Variants in RFTN1 observed in about 807,000 individuals in gnomAD.
RFTN1 encodes raftlin, lipid raft linker 1.
A neutral mutation model predicts 46.5 loss-of-function variants in RFTN1; 26 were observed. That is an observed-to-expected ratio of 0.56 (90% CI 0.41 to 0.78). RFTN1 has a LOEUF of 0.78. RFTN1 is among the 30% of genes least tolerant of loss of function. The pLI is 0.00. For synonymous variants in RFTN1, 261 were observed against 284.2 expected, an observed-to-expected ratio of 0.92 and a Z score of 0.82; for missense variants, 693 against 718.7, an observed-to-expected ratio of 0.96 and a Z score of 0.41.
rs2076261632 is a variant in RFTN1 at position 16,475,222 on chromosome 3, A to G, written c.145+18503T>C. Among the ~76,000 whole-genome samples, 1 of 152,242 alleles carries G rather than the reference A, an allele frequency of 6.6e-6. No individual in the cohort carries two copies. Among genetic ancestry groups the G allele is most frequent in the Admixed American group, 6.5e-5 (1 of 15,286 alleles). ...GATGCTGACGCCATGCTTCTTGTAC[A>G]GCTGGTGGAATCATAATCCAAATAA... On this transcript the variant is annotated intron_variant, in intron 2 of 9. Transcript: ENST00000334133. This position sits in a 1 kb window ranked among gnomAD's most constrained non-coding sequence, Gnocchi z 4.2.
chr3:16,455,573 G>A (rs1428603243), intron 2 of RFTN1, among the ~76,000 whole-genome samples: 1 of 152,168 alleles, frequency 6.6e-6, no homozygotes, highest in East Asian at 1.9e-4. Context: ...CACAAGTTTT[G>A]TTAGGAGAGG....
In RFTN1 at chr3:16,407,292, C is replaced by T. The variant is rs1270440772; in HGVS notation, c.441+2083G>A. On this transcript the variant is annotated intron_variant, in intron 4 of 9. Transcript: ENST00000334133. This position sits in a 1 kb window ranked among gnomAD's most constrained non-coding sequence, Gnocchi z 4.0. ...CAAACTCCTGGGCTCAAGCAATTCT[C>T]TCGCCTCAGCCTCTAGAGTAGCTAG... 1.3e-5 allele frequency among the ~76,000 whole-genome samples: 2 copies of T among 152,122 alleles called. No homozygotes were observed. Among genetic ancestry groups the T allele is most frequent in the Non-Finnish European group, 2.9e-5 (2 of 68,020 alleles).
chr3:16,430,798 C>T (rs1265637547), intron 3 of RFTN1, among the ~76,000 whole-genome samples: 1 of 152,104 alleles, frequency 6.6e-6, no homozygotes, highest in African/African-American at 2.4e-5. Flanking sequence ...CAGCTCAAAC[C>T]CAAGGAGACT....
chr3:16,411,928 T>G (rs1355524147), intron 3 of RFTN1, among the ~76,000 whole-genome samples: 1 of 152,232 alleles, frequency 6.6e-6, no homozygotes, highest in Non-Finnish European at 1.5e-5. Context: ...GGAAGACAAG[T>G]TGGTCTGTAA....
chr3:16,363,409 A>G (rs1410560410), intron 6 of RFTN1, among the ~76,000 whole-genome samples: 2 of 152,206 alleles, frequency 1.3e-5, no homozygotes, highest in African/African-American at 4.8e-5. Flanking sequence ...ACAAAAAGCT[A>G]TTTTCCCTCG....
In RFTN1 at chr3:16,428,120, GA is replaced by G. The variant is rs2075319365; in HGVS notation, c.332+5730del. ...AAATTACATATACATATTTACCTTA[GA>G]AAAATCCAAACAAAAGGGATAAATG... On this transcript the variant is annotated intron_variant, in intron 3 of 9. Coordinates refer to ENST00000334133, the MANE Select transcript of RFTN1 (RefSeq NM_015150.2). This position sits in a 1 kb window ranked among gnomAD's most constrained non-coding sequence, Gnocchi z 4.7. Among the ~76,000 whole-genome samples, 1 of 152,156 alleles carries G rather than the reference GA, an allele frequency of 6.6e-6. No homozygotes were observed. Among genetic ancestry groups the G allele is most frequent in the Non-Finnish European group, 1.5e-5 (1 of 68,020 alleles).
At position 16,418,987 on chromosome 3, in the gene RFTN1, A is replaced by C. The variant is rs1439933479; in HGVS notation, c.333-9504T>G. 6.6e-6 allele frequency among the ~76,000 whole-genome samples: 1 copy of C among 152,204 alleles called. No homozygotes were observed. Among genetic ancestry groups the C allele is most frequent in the African/African-American group, 2.4e-5 (1 of 41,452 alleles). On this transcript the variant is annotated intron_variant, in intron 3 of 9. Coordinates refer to ENST00000334133, the MANE Select transcript of RFTN1 (RefSeq NM_015150.2). This position sits in a 1 kb window ranked among gnomAD's most constrained non-coding sequence, Gnocchi z 5.0. ...GGATCAGGGGAAAATTTAAGGAGCAAGGCGTGTGTGGGCTGAGTCTTTGAG... is the reference window on the plus strand; with the variant it reads ...GGATCAGGGGAAAATTTAAGGAGCACGGCGTGTGTGGGCTGAGTCTTTGAG...
At chr3:16,461,872 G>A (rs2076012851) in intron 2 of RFTN1, among the ~76,000 whole-genome samples, 1 of 152,184 alleles carries the variant, frequency 6.6e-6, no homozygotes, top group South Asian at 2.1e-4. Context: ...AGCAGTGTAA[G>A]CAAATCCTCT....
chr3:16,396,815 C>T (rs1334921320), intron 4 of RFTN1, among the ~76,000 whole-genome samples: 1 of 152,188 alleles, frequency 6.6e-6, no homozygotes, highest in Admixed American at 6.5e-5. Flanking sequence ...GTAATCCCAG[C>T]ACTTCGGGAA....
chr3:16,445,980 C>T (rs1424472642), intron 2 of RFTN1, among the ~76,000 whole-genome samples: 4 of 151,656 alleles, frequency 2.6e-5, no homozygotes, highest in Non-Finnish European at 2.9e-5. Context: ...AGAACCCATG[C>T]TGGGTTTATT....
chr3:16,359,767 C>T (rs1306118749), intron 6 of RFTN1, among the ~76,000 whole-genome samples: 1 of 152,058 alleles, frequency 6.6e-6, no homozygotes, highest in Non-Finnish European at 1.5e-5. Flanking sequence ...CAATGATACG[C>T]TCTTTTAAAA....
chr3:16,454,268 C>T (rs2075867452), intron 2 of RFTN1, among the ~76,000 whole-genome samples: 1 of 152,228 alleles, frequency 6.6e-6, no homozygotes, highest in South Asian at 2.1e-4. Context: ...CCACATTGGT[C>T]TTATCAATTC....
At position 16,387,309 on chromosome 3, in the gene RFTN1, G is replaced by A. The variant is rs1178468000; in HGVS notation, c.442-9207C>T. ...CCCTTCCTCCCTGATCAGCTGTCTTGTGCTTCCCCAGGGCTTTCTCCCCTC... is the reference window on the plus strand; with the variant it reads ...CCCTTCCTCCCTGATCAGCTGTCTTATGCTTCCCCAGGGCTTTCTCCCCTC... On this transcript the variant is annotated intron_variant, in intron 4 of 9. Coordinates refer to ENST00000334133, the MANE Select transcript of RFTN1 (RefSeq NM_015150.2). This position sits in a 1 kb window ranked among gnomAD's most constrained non-coding sequence, Gnocchi z 5.2. 1.3e-5 allele frequency among the ~76,000 whole-genome samples: 2 copies of A among 152,198 alleles called. No homozygotes were observed. Among genetic ancestry groups the A allele is most frequent in the Non-Finnish European group, 2.9e-5 (2 of 68,042 alleles).
In RFTN1 at chr3:16,396,934, G is replaced by A. The variant is rs569159744; in HGVS notation, c.441+12441C>T. ...AAAAATTAGCTGGGCGTGGTGGCAGGTACCTGTAATCCCAGCTACTCGGGA... is the reference window on the plus strand; with the variant it reads ...AAAAATTAGCTGGGCGTGGTGGCAGATACCTGTAATCCCAGCTACTCGGGA... On this transcript the variant is annotated intron_variant, in intron 4 of 9. Transcript: ENST00000334133. 8.5e-5 allele frequency among the ~76,000 whole-genome samples: 13 copies of A among 152,082 alleles called. No homozygotes were observed. In the South Asian group the frequency reaches 2.5e-3, roughly 29 times the overall value.
chr3:16,419,820 T>C (rs2125465767), intron 3 of RFTN1, among the ~76,000 whole-genome samples: 1 of 152,204 alleles, frequency 6.6e-6, no homozygotes, highest in South Asian at 2.1e-4. Context: ...CACAGATGAG[T>C]CACTGTCCTT....
rs2075972920 is a variant in RFTN1, at chr3:16,459,568, G to C, written c.146-25531C>G. Among the ~76,000 whole-genome samples the C allele has an allele frequency of 6.6e-6, 1 of 151,878 alleles. No homozygotes were observed. Among genetic ancestry groups the C allele is most frequent in the Non-Finnish European group, 1.5e-5 (1 of 67,964 alleles). On this transcript the variant is annotated intron_variant, in intron 2 of 9. Coordinates refer to ENST00000334133, the MANE Select transcript of RFTN1 (RefSeq NM_015150.2). The surrounding 1 kb of genome is among the most constrained non-coding windows in gnomAD (Gnocchi z 4.2). ...TGATCGTGCCACTGCACTCAGCCTG[G>C]GTGACAGAGTGAGACCCTGTGTTTC...
rs2075297532 is a variant in RFTN1, at chr3:16,426,752, T to G, written c.332+7099A>C. ...GTGGCTGCATTATTAAGATATACTT[T>G]TGGTACTGATAAATACGTAAACCAA... is the stretch of plus-strand genomic sequence containing the variant. On this transcript the variant is annotated intron_variant, in intron 3 of 9. Transcript: ENST00000334133. The surrounding 1 kb of genome is among the most constrained non-coding windows in gnomAD (Gnocchi z 5.9). Among the ~76,000 whole-genome samples the G allele has an allele frequency of 6.6e-6, 1 of 151,336 alleles. No individual in the cohort carries two copies. The highest frequency in any genetic ancestry group is 1.5e-5 in the Non-Finnish European group (1 of 67,936).
intron 6 of RFTN1, among the ~76,000 whole-genome samples, chr3:16,363,144 G>A (rs1358108122): frequency 2.0e-5 from 3 of 152,218 alleles, no homozygotes; most frequent in Non-Finnish European, 2.9e-5. Context: ...ATCTGTAACA[G>A]CAAAAAAGTC....
rs1385893187 is a variant in RFTN1, at chr3:16,341,800, CAG to C, written c.1147-14926_1147-14925del. Among the ~76,000 whole-genome samples the C allele has an allele frequency of 8.5e-5, 13 of 152,204 alleles. 1 individual carries two copies. In the East Asian group the frequency reaches 2.3e-3, roughly 27 times the overall value. Reference sequence around the variant, plus strand: ...AAATAATGAAGTAAAAGCCTAATAACAGAAACATTTTCAGCATACAGTTACAT... The same window carrying C: ...AAATAATGAAGTAAAAGCCTAATAACAAACATTTTCAGCATACAGTTACAT... On this transcript the variant is annotated intron_variant, in intron 7 of 9. Transcript: ENST00000334133. This position sits in a 1 kb window ranked among gnomAD's most constrained non-coding sequence, Gnocchi z 4.7.
Sources: gnomAD v4.1 joint callset for allele counts (sites outside exome capture counted in the v4.1 genomes callset) on GRCh38, gnomAD v4.1.1 for gene constraint, Gnocchi (gnomAD v3.1) non-coding constraint, MANE v1.5 for transcripts, NCBI Gene and HGNC (gene_info 2026-07-23, HGNC 2026-07-21) for gene names.